Variants in CRHR2 observed in about 807,000 individuals in gnomAD.
CRHR2 encodes corticotropin-releasing hormone receptor 2.
Under a neutral mutation model 57.9 loss-of-function variants are expected in CRHR2, and 53 were observed. That is an observed-to-expected ratio of 0.92 (90% confidence interval 0.73 to 1.15). The LOEUF is 1.15. Among genes scored for constraint, CRHR2 ranks in the 50% most tolerant of loss-of-function variants. The probability of loss-of-function intolerance (pLI) is 0.00; values close to 1 mark genes in which losing one functional copy is unlikely to be tolerated. For synonymous variants in CRHR2, 213 were observed against 220.9 expected (o/e 0.96, Z 0.32); for missense variants, 532 against 542.6 (o/e 0.98, Z 0.19).
In CRHR2 at chr7:30,689,188, T is replaced by G. The variant is rs1241888197; in HGVS notation, c.-167+3A>C. The G allele has an allele frequency of 5.8e-6, 9 of 1,548,658 alleles. No homozygotes were observed. In the Admixed American group the frequency reaches 1.4e-4, roughly 24 times the overall value. ...CTGCAGGGTGGTGGCAGAGGGTACCTACCTGAGAGGTTGGTGAGGGTCATG... is the reference window on the plus strand; with the variant it reads ...CTGCAGGGTGGTGGCAGAGGGTACCGACCTGAGAGGTTGGTGAGGGTCATG... On this transcript the variant is annotated splice_donor_region_variant and intron_variant, in intron 2 of 13. Coordinates refer to the CRHR2 transcript ENST00000341843.
At chr7:30,671,840 G>A (rs553281172) in intron 2 of CRHR2, among the ~76,000 whole-genome samples, 34 of 143,526 alleles carry the variant, frequency 2.4e-4, no homozygotes, top group Admixed American at 1.3e-3. Context: ...TGATGATGAT[G>A]ATAATGATGA....
chr7:30,669,265 C>T (rs183126542), intron 2 of CRHR2, among the ~76,000 whole-genome samples: 1 of 152,178 alleles, frequency 6.6e-6, no homozygotes, highest in Non-Finnish European at 1.5e-5. Flanking sequence ...TGCTTCTACT[C>T]TATAGCTCTC....
In CRHR2 at chr7:30,652,867, C is replaced by G. The variant is rs1783639902; in HGVS notation, c.*593G>C. Reference sequence around the variant, plus strand: ...AAGAGAGGAAGCCAGGCCTGGAAGCCTGCATCCTTCATGGAGCCCCCAAGG... The same window carrying G: ...AAGAGAGGAAGCCAGGCCTGGAAGCGTGCATCCTTCATGGAGCCCCCAAGG... On this transcript the variant is annotated 3_prime_UTR_variant, in exon 12 of 12. Transcript: ENST00000471646. The surrounding 1 kb of genome is among the most constrained non-coding windows in gnomAD (Gnocchi z 4.4). 6.6e-6 allele frequency: 1 copy of G among 152,558 alleles called. No individual in the cohort carries two copies. Among genetic ancestry groups the G allele is most frequent in the Non-Finnish European group, 1.5e-5 (1 of 68,262 alleles). 9.5% of individuals were successfully genotyped at this position (152,558 alleles called of 1,614,324 possible). A position where few individuals can be genotyped will look rare whatever the true frequency, so the allele number is the denominator to read the frequency against.
In CRHR2 at chr7:30,692,278, A is replaced by G. The variant is rs1784976574; in HGVS notation, c.-260-2994T>C. Among the ~76,000 whole-genome samples the G allele has an allele frequency of 2.6e-5, 4 of 152,154 alleles. No homozygotes were observed. In the South Asian group the frequency reaches 8.3e-4, roughly 31 times the overall value. Reference sequence around the variant, plus strand: ...ATCGGGACTCCCAAGGCCCAGCTCAAGCTCTTCCTGCCCAGAAAAGCTTCC... The same window carrying G: ...ATCGGGACTCCCAAGGCCCAGCTCAGGCTCTTCCTGCCCAGAAAAGCTTCC... On this transcript the variant is annotated intron_variant, in intron 1 of 13. Transcript: ENST00000341843.
intron 2 of CRHR2, among the ~76,000 whole-genome samples, chr7:30,672,192 C>T (rs1285173806): frequency 6.6e-6 from 1 of 152,232 alleles, no homozygotes; most frequent in Non-Finnish European, 1.5e-5. Context: ...CCAGCTCCAG[C>T]CCCAGCTCCT....
rs1321560939 is a variant in CRHR2 at position 30,662,791 on chromosome 7, G to A, written c.600C>T (p.Phe200=). 1 of 1,614,212 alleles carries A rather than the reference G, an allele frequency of 6.2e-7. No homozygotes were observed. Among genetic ancestry groups the A allele is most frequent in the Non-Finnish European group, 8.5e-7 (1 of 1,180,040 alleles). Reference sequence around the variant, plus strand: ...GGTAGCAGCCTTCCACAAACATCCAGAAGAAGTTGGTCACCACGAAGTAGT... The same window carrying A: ...GGTAGCAGCCTTCCACAAACATCCAAAAGAAGTTGGTCACCACGAAGTAGT... ...IFNYFVVTNF[F]WMFVEGCYLH... The change falls in exon 6 of 12, where the codon TTC becomes TTT. Residue 200 remains phenylalanine (F), a synonymous_variant. Transcript: ENST00000471646.
At chr7:30,661,277 G>A (rs1167135721) in intron 7 of CRHR2, among the ~76,000 whole-genome samples, 1 of 152,168 alleles carries the variant, frequency 6.6e-6, no homozygotes, top group Non-Finnish European at 1.5e-5. Flanking sequence ...CACAGGGAGG[G>A]GCCATCAACT....
chr7:30,698,865 C>A (rs1396553633), intron 1 of CRHR2, among the ~76,000 whole-genome samples: 2 of 152,210 alleles, frequency 1.3e-5, no homozygotes, highest in Non-Finnish European at 2.9e-5. Flanking sequence ...CCGTTGTGAT[C>A]CTCATTTTAC....
intron 2 of CRHR2, among the ~76,000 whole-genome samples, chr7:30,680,940 A>T (rs1235882498): frequency 6.6e-6 from 1 of 151,750 alleles, no homozygotes; most frequent in African/African-American, 2.4e-5. Flanking sequence ...CAGACAAACA[A>T]TCCAGATAGG....
intron 1 of CRHR2, among the ~76,000 whole-genome samples, chr7:30,697,736 C>T (rs57996790): frequency 0.034 from 5,216 of 152,286 alleles, 292 homozygotes; most frequent in African/African-American, 0.12. Flanking sequence ...CACATAATGT[C>T]TTTTCAGGGT....
At chr7:30,659,591 C>A (rs538691192) in intron 8 of CRHR2, among the ~76,000 whole-genome samples, 1 of 152,290 alleles carries the variant, frequency 6.6e-6, no homozygotes, top group South Asian at 2.1e-4. Context: ...CAAGCCCTGA[C>A]GGTGGAATTT....
chr7:30,682,575 C>T (rs879269606), upstream of CRHR2: 8 of 1,116,850 alleles, frequency 7.2e-6, no homozygotes, highest in Admixed American at 2.0e-4. Flanking sequence ...GGGGCTCAGT[C>T]TCCAGCCCCC....
chr7:30,677,554 C>T (rs534959994), intron 2 of CRHR2, among the ~76,000 whole-genome samples: 24 of 152,274 alleles, frequency 1.6e-4, no homozygotes, highest in East Asian at 7.7e-4. Flanking sequence ...AACCTGGGTT[C>T]GGAGAATCCT....
intron 2 of CRHR2, chr7:30,688,870 T>A (rs1197713778): frequency 8.0e-6 from 4 of 499,280 alleles, no homozygotes; most frequent in Non-Finnish European, 1.6e-5. Flanking sequence ...CTTCTGCCAG[T>A]TTCCCTGGAG....
rs1783804148 is a variant in CRHR2, at chr7:30,656,717, T to A, written c.832-705A>T. The stretch of plus-strand genomic sequence containing the variant: ...CACCTGGCCCTGGAACTGGCCTGTG[T>A]GGCTCCCCAGCTGCTCCCTGCTGGG... On this transcript the variant is annotated intron_variant, in intron 8 of 11. Transcript: ENST00000471646. The surrounding 1 kb of genome is among the most constrained non-coding windows in gnomAD (Gnocchi z 4.4). Among the ~76,000 whole-genome samples the A allele has an allele frequency of 6.6e-6, 1 of 152,146 alleles. No homozygotes were observed. The highest frequency in any genetic ancestry group is 2.4e-5 in the African/African-American group (1 of 41,432).
intron 2 of CRHR2, among the ~76,000 whole-genome samples, chr7:30,668,274 C>T (rs1289323109): frequency 6.6e-6 from 1 of 152,138 alleles, no homozygotes; most frequent in East Asian, 1.9e-4. Flanking sequence ...CCTCCATACA[C>T]CAGCTCCAAT....
intron 1 of CRHR2, chr7:30,699,602 G>A (rs995431519): frequency 5.6e-6 from 1 of 178,530 alleles, no homozygotes; most frequent in Non-Finnish European, 1.2e-5. Context: ...AGGTAGTCAA[G>A]TTCTGGATGC....
intron 1 of CRHR2, 29 bp downstream of exon 1, chr7:30,682,149 C>A (rs761055369): frequency 9.0e-5 from 138 of 1,534,476 alleles, no homozygotes; most frequent in Non-Finnish European, 1.1e-4. Flanking sequence ...GGAGCCCGCG[C>A]AGCCTCCGAC....
chr7:30,690,057 A>G (rs577906554), intron 1 of CRHR2, among the ~76,000 whole-genome samples: 2 of 152,224 alleles, frequency 1.3e-5, no homozygotes, highest in Non-Finnish European at 2.9e-5. Context: ...CTCCTAAAAA[A>G]TCATCAGAGT....
Sources: gnomAD v4.1 joint callset for allele counts (sites outside exome capture counted in the v4.1 genomes callset) on GRCh38, gnomAD v4.1.1 for gene constraint, Gnocchi (gnomAD v3.1) non-coding constraint, MANE v1.5 for transcripts, NCBI Gene and HGNC (gene_info 2026-07-23, HGNC 2026-07-21) for gene names.